ZBTB16: variants seen among roughly 807,000 people sequenced by gnomAD.
ZBTB16 encodes zinc finger and BTB domain-containing protein 16.
Under a neutral mutation model 56.8 loss-of-function variants are expected in ZBTB16, and 8 were observed. The observed-to-expected ratio is 0.14, with a 90% CI of 0.08 to 0.25. The LOEUF (loss-of-function observed/expected upper bound fraction) is 0.25. Ranked by LOEUF, ZBTB16 falls within the 10% of genes least tolerant of loss-of-function variation. The probability of loss-of-function intolerance (pLI) is 1.00; values close to 1 mark genes in which losing one functional copy is unlikely to be tolerated. For missense variants in ZBTB16, 625 were observed against 903.0 expected, an observed-to-expected ratio of 0.69 and a Z score of 3.95; for synonymous variants, 363 against 368.5, an observed-to-expected ratio of 0.98 and a Z score of 0.17.
chr11:114,108,869 T>C (rs542061900), intron 2 of ZBTB16, among the ~76,000 whole-genome samples: 1 of 152,360 alleles, frequency 6.6e-6, no homozygotes, highest in East Asian at 1.9e-4. Flanking sequence ...TCTTAATGCC[T>C]TCTTGGATTT....
rs1591710869 is a variant in ZBTB16 at position 114,143,980 on chromosome 11, A to G, written c.1269-12357A>G. On this transcript the variant is annotated intron_variant, in intron 2 of 6. Coordinates refer to ENST00000335953, the MANE Select transcript of ZBTB16 (RefSeq NM_006006.6). This position sits in a 1 kb window ranked among gnomAD's most constrained non-coding sequence, Gnocchi z 6.4. ...CTCGGGAGCCTTGCGTGTAAGGAGC[A>G]AGAGGAGCACGCAAGCTGCCTGGTG... Among the ~76,000 whole-genome samples the G allele has an allele frequency of 6.6e-6, 1 of 152,186 alleles. No individual in the cohort carries two copies. Among genetic ancestry groups the G allele is most frequent in the African/African-American group, 2.4e-5 (1 of 41,450 alleles).
At chr11:114,232,734 C>T (rs984409481) in intron 4 of ZBTB16, among the ~76,000 whole-genome samples, 1 of 152,272 alleles carries the variant, frequency 6.6e-6, no homozygotes, top group African/African-American at 2.4e-5. Context: ...CAATTAGTTT[C>T]ACAAATGGGG....
rs146919368 is a variant in ZBTB16, at chr11:114,192,135, G to A, written c.1453+5097G>A. Among the ~76,000 whole-genome samples the A allele has an allele frequency of 2.7e-3, 408 of 152,326 alleles. 8 individuals are homozygous for A. Among genetic ancestry groups the A allele is most frequent in the Admixed American group, 0.023 (353 of 15,298 alleles). On this transcript the variant is annotated intron_variant, in intron 4 of 6. Transcript: ENST00000335953. ...TGTCATCTGAAGACTCGACTGGGCT[G>A]GATGTCCAAGATGGCTCCTTCACTC...
chr11:114,225,883 T>C (rs1374623742), intron 4 of ZBTB16, among the ~76,000 whole-genome samples: 1 of 152,220 alleles, frequency 6.6e-6, no homozygotes, highest in Non-Finnish European at 1.5e-5. Flanking sequence ...GTTCATATAT[T>C]ATCTCTAATC....
chr11:114,094,335 A>G (rs1046158680), intron 2 of ZBTB16, among the ~76,000 whole-genome samples: 1 of 152,196 alleles, frequency 6.6e-6, no homozygotes, highest in Admixed American at 6.5e-5. Flanking sequence ...AAAATAAAAA[A>G]CATTAAAAAA....
At chr11:114,157,752 CCTT>C (rs2134962761) in intron 3 of ZBTB16, among the ~76,000 whole-genome samples, 1 of 152,322 alleles carries the variant, frequency 6.6e-6, no homozygotes, top group South Asian at 2.1e-4. Flanking sequence ...CGTCCTAACT[CCTT>C]CTCACTTCCC....
At chr11:114,127,012 C>G (rs1271792514) in intron 2 of ZBTB16, among the ~76,000 whole-genome samples, 1 of 152,106 alleles carries the variant, frequency 6.6e-6, no homozygotes, top group Non-Finnish European at 1.5e-5. Context: ...TTCATTGGAG[C>G]AGAGGTTAGG....
At chr11:114,160,128 C>T (rs993015536) in intron 3 of ZBTB16, among the ~76,000 whole-genome samples, 2 of 152,194 alleles carry the variant, frequency 1.3e-5, no homozygotes, top group African/African-American at 2.4e-5. Flanking sequence ...GCCCCACCCC[C>T]TCTTGGCGAG....
At chr11:114,155,313 T>G (rs561113142) in intron 2 of ZBTB16, among the ~76,000 whole-genome samples, 25 of 152,334 alleles carry the variant, frequency 1.6e-4, no homozygotes, top group Admixed American at 5.2e-4. Flanking sequence ...ATAGCATGTA[T>G]GGGCCTGACA....
rs186091803 is a variant in ZBTB16, at chr11:114,096,085, T to C, written c.1268+31517T>C. Among the ~76,000 whole-genome samples the C allele has an allele frequency of 4.9e-4, 75 of 152,298 alleles. 1 individual carries two copies. The Middle Eastern group carries it at 0.017, about 35-fold the overall frequency. On this transcript the variant is annotated intron_variant, in intron 2 of 6. Coordinates refer to ENST00000335953, the MANE Select transcript of ZBTB16 (RefSeq NM_006006.6). ...AAGACACTGTATTAAAAAAGGAGTATAAAAGAAAAGTTTATTCTATGAAAA... is the reference window on the plus strand; with the variant it reads ...AAGACACTGTATTAAAAAAGGAGTACAAAAGAAAAGTTTATTCTATGAAAA...
At chr11:114,062,661 C>T (rs1938929923) in intron 1 of ZBTB16, among the ~76,000 whole-genome samples, 1 of 152,166 alleles carries the variant, frequency 6.6e-6, no homozygotes, top group Admixed American at 6.5e-5. Flanking sequence ...GCCCAGTGTC[C>T]ATAGATTTCT....
At chr11:114,188,154 G>C (rs1350447840) in intron 4 of ZBTB16, 2 of 152,456 alleles carry the variant, frequency 1.3e-5, no homozygotes, top group Non-Finnish European at 2.9e-5. Flanking sequence ...TATGTGAAAA[G>C]GTTGTCTTCC....
intron 3 of ZBTB16, among the ~76,000 whole-genome samples, chr11:114,159,243 C>T (rs1332540864): frequency 1.3e-5 from 2 of 152,198 alleles, no homozygotes; most frequent in African/African-American, 2.4e-5. Flanking sequence ...GTCCCCTGAT[C>T]TCATATGGCT....
rs1939057898 is a variant in ZBTB16 at position 114,064,959 on chromosome 11, A to C, written c.1268+391A>C. Among the ~76,000 whole-genome samples, 1 of 152,080 alleles carries C rather than the reference A, an allele frequency of 6.6e-6. No individual in the cohort carries two copies. Among genetic ancestry groups the C allele is most frequent in the South Asian group, 2.1e-4 (1 of 4,816 alleles). On this transcript the variant is annotated intron_variant, in intron 2 of 6. Coordinates refer to ENST00000335953, the MANE Select transcript of ZBTB16 (RefSeq NM_006006.6). This position sits in a 1 kb window ranked among gnomAD's most constrained non-coding sequence, Gnocchi z 4.2. ...CTTGGGCCCTGCATCTGACCATGTTACTAGGTTTCAGGTCCTCGGGTTCCC... is the reference window on the plus strand; with the variant it reads ...CTTGGGCCCTGCATCTGACCATGTTCCTAGGTTTCAGGTCCTCGGGTTCCC...
intron 2 of ZBTB16, among the ~76,000 whole-genome samples, chr11:114,093,295 G>A (rs972891135): frequency 3.3e-5 from 5 of 151,994 alleles, no homozygotes; most frequent in Non-Finnish European, 7.3e-5. Flanking sequence ...AGTTCTGGGT[G>A]GTCTGTATTG....
chr11:114,144,597 A>G (rs1390869148), intron 2 of ZBTB16, among the ~76,000 whole-genome samples: 4 of 152,242 alleles, frequency 2.6e-5, no homozygotes, highest in African/African-American at 9.6e-5. Flanking sequence ...GTGGGACACC[A>G]TGCCCACTCT....
chr11:114,098,942 A>G (rs1010206145), intron 2 of ZBTB16, among the ~76,000 whole-genome samples: 25 of 152,294 alleles, frequency 1.6e-4, no homozygotes, highest in Non-Finnish European at 2.6e-4. Flanking sequence ...GCAAGCTTCT[A>G]TGGCACTGCC....
intron 2 of ZBTB16, among the ~76,000 whole-genome samples, chr11:114,123,677 TC>T (rs1941407141): frequency 6.6e-6 from 1 of 152,106 alleles, no homozygotes; most frequent in Non-Finnish European, 1.5e-5. Context: ...GAGTCTAAAT[TC>T]CCATTTCTTG....
intron 2 of ZBTB16, among the ~76,000 whole-genome samples, chr11:114,137,116 A>T (rs1454799943): frequency 2.0e-5 from 3 of 152,180 alleles, no homozygotes; most frequent in African/African-American, 7.2e-5. Context: ...GGGTTAAACT[A>T]TTATGGAAAC....
Sources: gnomAD v4.1 joint callset for allele counts (sites outside exome capture counted in the v4.1 genomes callset) on GRCh38, gnomAD v4.1.1 for gene constraint, Gnocchi (gnomAD v3.1) non-coding constraint, MANE v1.5 for transcripts, NCBI Gene and HGNC (gene_info 2026-07-23, HGNC 2026-07-21) for gene names.